The following FAM169A variants were observed in gnomAD, a reference collection of about 807,000 sequenced individuals.
FAM169A encodes family with sequence similarity 169 member A.
A neutral mutation model predicts 75.7 loss-of-function variants in FAM169A; 24 were observed. The observed-to-expected ratio is 0.32, with a 90% confidence interval of 0.23 to 0.45. FAM169A has a LOEUF of 0.45. FAM169A is among the 20% of genes least tolerant of loss of function. FAM169A has a pLI of 1.00. For synonymous variants in FAM169A, 271 were observed against 271.0 expected (o/e 1.00, Z 0.00); for missense variants, 673 against 784.0 (o/e 0.86, Z 1.69).
At chr5:74,809,038 G>C (rs538316071) in intron 6 of FAM169A, among the ~76,000 whole-genome samples, 5 of 151,820 alleles carry the variant, frequency 3.3e-5, no homozygotes, top group African/African-American at 9.7e-5. Context: ...AACACAACAG[G>C]CCACAAAACA....
intron 2 of FAM169A, 78 bp from the exon 3 acceptor site, chr5:74,840,251 TA>T: frequency 1.7e-6 from 1 of 575,208 alleles, no homozygotes; most frequent in Non-Finnish European, 3.0e-6. Context: ...TTTATCAAAG[TA>T]GTAAATATTT....
At chr5:74,815,109 A>C (rs1212312314) in intron 5 of FAM169A, among the ~76,000 whole-genome samples, 2 of 152,236 alleles carry the variant, frequency 1.3e-5, no homozygotes, top group African/African-American at 4.8e-5. Context: ...TTTCTGGAAC[A>C]ATCTCCGAGA....
upstream of FAM169A, chr5:74,866,661 T>TA: frequency 1.2e-6 from 1 of 864,350 alleles, no homozygotes; most frequent in Non-Finnish European, 1.4e-6. Flanking sequence ...GGCCTGGTAT[T>TA]AAAGAGTGAC....
intron 1 of FAM169A, among the ~76,000 whole-genome samples, chr5:74,864,960 G>A (rs1013829101): frequency 6.6e-6 from 1 of 151,766 alleles, no homozygotes; most frequent in Non-Finnish European, 1.5e-5. Flanking sequence ...GATAAGGGAC[G>A]TAGTTTGCAA....
chr5:74,836,774 C>T (rs1306574171), intron 4 of FAM169A, among the ~76,000 whole-genome samples: 3 of 152,020 alleles, frequency 2.0e-5, no homozygotes, highest in Admixed American at 1.3e-4. Context: ...ATGGCGAAAC[C>T]GCATCTCTAC....
chr5:74,813,451 C>A (rs1023445679), intron 6 of FAM169A, among the ~76,000 whole-genome samples: 1 of 151,932 alleles, frequency 6.6e-6, no homozygotes, highest in East Asian at 1.9e-4. Flanking sequence ...CTCAGCCTCC[C>A]GAGTAGCTGG....
chr5:74,810,974 ATTT>A (rs764689046), intron 6 of FAM169A, among the ~76,000 whole-genome samples: 6 of 99,840 alleles, frequency 6.0e-5, no homozygotes, highest in East Asian at 3.0e-4. Flanking sequence ...CTAGGCCTGG[ATTT>A]TTTTTTTTTT....
chr5:74,809,748 T>A (rs1324483368), intron 6 of FAM169A, among the ~76,000 whole-genome samples: 2 of 152,224 alleles, frequency 1.3e-5, no homozygotes, highest in Admixed American at 6.5e-5. Context: ...AAATCTTTAG[T>A]CTTCAGGAAA....
At chr5:74,832,441 A>T (rs1269107344) in intron 5 of FAM169A, among the ~76,000 whole-genome samples, 1 of 151,842 alleles carries the variant, frequency 6.6e-6, no homozygotes, top group Non-Finnish European at 1.5e-5. Flanking sequence ...TCTATGTCCT[A>T]ATAGCCCCAT....
chr5:74,801,398 T>C (rs887946518), intron 9 of FAM169A, among the ~76,000 whole-genome samples, 192 bp downstream of exon 9: 4 of 152,100 alleles, frequency 2.6e-5, no homozygotes, highest in African/African-American at 9.7e-5. Context: ...AGAGGTACAA[T>C]AGCTTACTCA....
intron 11 of FAM169A, among the ~76,000 whole-genome samples, chr5:74,794,778 CAA>C (rs980861741): frequency 9.1e-5 from 6 of 65,760 alleles, no homozygotes; most frequent in Non-Finnish European, 3.3e-5. Flanking sequence ...AACTCCGTCT[CAA>C]AAAAAAAAAA....
intron 1 of FAM169A, among the ~76,000 whole-genome samples, chr5:74,842,477 C>A (rs1259874244): frequency 8.7e-6 from 1 of 114,856 alleles, no homozygotes; most frequent in African/African-American, 3.3e-5. Flanking sequence ...GTACGGTTTG[C>A]AATAGATGAA....
chr5:74,790,911 C>T (rs1379405587), intron 11 of FAM169A, among the ~76,000 whole-genome samples: 1 of 152,144 alleles, frequency 6.6e-6, no homozygotes, highest in Non-Finnish European at 1.5e-5. Flanking sequence ...GAGGTTTGTC[C>T]TCACTGGAAT....
intron 10 of FAM169A, chr5:74,800,249 G>T: frequency 4.6e-6 from 1 of 216,946 alleles, no homozygotes; most frequent in Non-Finnish European, 8.7e-6. Context: ...TTTTTTAAAA[G>T]CAATGTTTTT....
intron 7 of FAM169A, 46 bp downstream of exon 7, chr5:74,805,110 A>T: frequency 1.9e-6 from 3 of 1,585,836 alleles, no homozygotes; most frequent in South Asian, 1.1e-5. Context: ...ACAGGCTACC[A>T]AAAATAAATA....
At chr5:74,782,160 ATG>A (rs1316033764) in intron 12 of FAM169A, 152 bp from the exon 13 acceptor site, 2 of 616,826 alleles carry the variant, frequency 3.2e-6, no homozygotes, top group East Asian at 2.7e-5. Flanking sequence ...GTTCTGCTAT[ATG>A]TGTATATATT....
chr5:74,823,869 T>C (rs1747883874), intron 5 of FAM169A, among the ~76,000 whole-genome samples: 1 of 152,214 alleles, frequency 6.6e-6, no homozygotes, highest in Non-Finnish European at 1.5e-5. Context: ...GTTTCACTTT[T>C]AGCTATACTA....
intron 11 of FAM169A, among the ~76,000 whole-genome samples, chr5:74,793,280 G>A (rs1196235554): frequency 6.7e-6 from 1 of 149,334 alleles, no homozygotes; most frequent in Non-Finnish European, 1.5e-5. Flanking sequence ...AGCTGAGATC[G>A]TGCCACTGCA....
At chr5:74,802,777 T>C (rs1038323338) in intron 8 of FAM169A, among the ~76,000 whole-genome samples, 2 of 152,056 alleles carry the variant, frequency 1.3e-5, no homozygotes. Flanking sequence ...AGCCTTCAAT[T>C]TATAGAACAA....
Sources: allele counts gnomAD v4.1 joint callset (sites outside exome capture counted in the v4.1 genomes callset), GRCh38; gene constraint gnomAD v4.1.1; transcripts MANE v1.5; gene names NCBI Gene and HGNC (gene_info 2026-07-23, HGNC 2026-07-21).